ANKRD24: variants seen among roughly 807,000 people sequenced by gnomAD.
ANKRD24 encodes ankyrin repeat domain-containing protein 24.
In ANKRD24, 109 loss-of-function variants were observed where a neutral mutation model predicts 127.8. That is an observed-to-expected ratio of 0.85 (90% CI 0.73 to 1.00). The LOEUF (loss-of-function observed/expected upper bound fraction) is 1.00, where lower values mean the gene tolerates loss of function less well. ANKRD24 is among the 50% of genes least tolerant of loss of function. ANKRD24 has a pLI of 0.00. For synonymous variants in ANKRD24, 743 were observed against 671.1 expected, an observed-to-expected ratio of 1.11 and a Z score of -1.66; for missense variants, 1,648 against 1,570.2, an observed-to-expected ratio of 1.05 and a Z score of -0.84.
In ANKRD24 at chr19:4,207,910, G is replaced by A. The variant is rs1210009302; in HGVS notation, c.774G>A (p.Gly258=). 1.3e-6 allele frequency: 2 copies of A among 1,555,532 alleles called. No homozygotes were observed. Among genetic ancestry groups the A allele is most frequent in the East Asian group, 4.6e-5 (2 of 43,616 alleles). The change falls in exon 10 of 22, where the codon GGG becomes GGA. Residue 258 remains glycine, a synonymous_variant. Coordinates refer to ENST00000318934, the MANE Select transcript of ANKRD24 (RefSeq NM_001393985.1). ...CGGCTCACTATGGCGCCCTGGCGGG[G>A]GACAAACTCATCCTGCACCTTCTGC... ...QDAAHYGALA[G]DKLILHLLQE... is the part of the protein sequence containing the mutation.
At chr19:4,206,870 C>G (rs141711941) in intron 7 of ANKRD24, among the ~76,000 whole-genome samples, 44 of 152,230 alleles carry the variant, frequency 2.9e-4, no homozygotes, top group African/African-American at 1.0e-3. Flanking sequence ...CGAAGTCTCA[C>G]CCTACCCCTA....
intron 2 of ANKRD24, among the ~76,000 whole-genome samples, chr19:4,192,336 C>G (rs1383686999): frequency 6.6e-6 from 1 of 151,024 alleles, no homozygotes; most frequent in African/African-American, 2.4e-5. Context: ...CTTTCTCTTT[C>G]TGTCTTTTTT....
chr19:4,182,964 T>TG (rs1599379272), intron 1 of ANKRD24, among the ~76,000 whole-genome samples: 3 of 140,800 alleles, frequency 2.1e-5, no homozygotes, highest in Admixed American at 7.3e-5. Context: ...GAATATCTCA[T>TG]TTGTGTGTGT....
chr19:4,185,765 G>A (rs529633692), intron 1 of ANKRD24, among the ~76,000 whole-genome samples: 3 of 152,218 alleles, frequency 2.0e-5, no homozygotes, highest in Admixed American at 6.5e-5. Context: ...GTCAGCCCTG[G>A]CTTCAGTCCC....
intron 7 of ANKRD24, among the ~76,000 whole-genome samples, chr19:4,203,692 G>A (rs2145304157): frequency 6.6e-6 from 1 of 151,320 alleles, no homozygotes; most frequent in Non-Finnish European, 1.5e-5. Context: ...TGTCGCCCAG[G>A]GTGGAGTGCA....
chr19:4,213,245 C>A lies in ANKRD24; in HGVS notation c.1197+547C>A, dbSNP rs965995743. 6.4e-5 allele frequency among the ~76,000 whole-genome samples: 6 copies of A among 93,144 alleles called. No homozygotes were observed. In the Admixed American group the frequency reaches 7.1e-4, roughly 11 times the overall value. 61.1% of individuals were successfully genotyped at this position (93,144 alleles called of 152,430 possible). Reference sequence around the variant, plus strand: ...TCCTTCCTTCCTTCCCTCCCTCCTTCCTTCCTTTCCTTCTTTCCTTTCCTT... The same window carrying A: ...TCCTTCCTTCCTTCCCTCCCTCCTTACTTCCTTTCCTTCTTTCCTTTCCTT... On this transcript the variant is annotated intron_variant, in intron 15 of 21. Transcript: ENST00000318934.
At chr19:4,210,717 C>G (rs553582194) in intron 13 of ANKRD24, among the ~76,000 whole-genome samples, 1 of 106,188 alleles carries the variant, frequency 9.4e-6, no homozygotes, top group South Asian at 4.0e-4. Flanking sequence ...AGACACTTCC[C>G]ATGCCCACTT....
At chr19:4,193,155 A>C (rs1968476381) in intron 2 of ANKRD24, among the ~76,000 whole-genome samples, 1 of 151,666 alleles carries the variant, frequency 6.6e-6, no homozygotes, top group South Asian at 2.1e-4. Context: ...TACAAAAATT[A>C]GCCAGGCGTG....
At chr19:4,207,085 CTTTT>C (rs34475477) in intron 7 of ANKRD24, 153 bp from the exon 8 acceptor site, 1,722 of 426,482 alleles carry the variant, frequency 4.0e-3, no homozygotes, top group Middle Eastern at 6.3e-3. Flanking sequence ...ATAATGTTTG[CTTTT>C]TTTTTTTTTT....
In ANKRD24 at chr19:4,207,945, C is replaced by A; in HGVS notation, c.809C>A (p.Ala270Asp). The A allele has an allele frequency of 2.0e-6, 3 of 1,519,476 alleles. No homozygotes were observed. Among genetic ancestry groups the A allele is most frequent in the Non-Finnish European group, 1.8e-6 (2 of 1,136,296 alleles). 94.1% of individuals were successfully genotyped at this position (1,519,476 alleles called of 1,614,324 possible). A position where few individuals can be genotyped will look rare whatever the true frequency, so the allele number is the denominator to read the frequency against. The change falls in exon 10 of 22, where the codon GCC (alanine) becomes GAC (aspartate). Residue 270 changes from alanine to aspartate, a missense_variant. Ala to Asp is a moderately radical substitution (Grantham distance 126). Coordinates refer to ENST00000318934, the MANE Select transcript of ANKRD24 (RefSeq NM_001393985.1). Reference protein sequence around the residue: ...KLILHLLQEAAQRPSPPSALT... With the variant: ...KLILHLLQEADQRPSPPSALT... ...ATCCTGCACCTTCTGCAAGAGGCGG[C>A]CCAGCGCCCCTCCCCACCCAGCGGT...
chr19:4,222,073 C>G (rs555603947), intron 19 of ANKRD24, among the ~76,000 whole-genome samples: 1 of 152,310 alleles, frequency 6.6e-6, no homozygotes, highest in Admixed American at 6.5e-5. Context: ...AATCTCTGTG[C>G]AGGATCACAG....
At position 4,207,502 on chromosome 19, in the gene ANKRD24, C is replaced by T; in HGVS notation, c.539C>T (p.Ser180Leu). ...FKAHLNPQDRSGATPLIIAAQ... is the reference protein window; with the variant it reads ...FKAHLNPQDRLGATPLIIAAQ... ...CGCATCCCTCCTCCTCCCTACCAGT[C>T]AGGCGCAACACCCCTCATTATAGCA... Residue 180 changes from serine (S) to leucine (L), a missense_variant and splice_region_variant, in exon 9 of 22, where the codon TCA becomes TTA. Physicochemically the swap from Ser to Leu is moderately radical, Grantham distance 145 (BLOSUM62 -2). Transcript: ENST00000318934. 6.2e-7 allele frequency: 1 copy of T among 1,613,774 alleles called. No homozygotes were observed. Among genetic ancestry groups the T allele is most frequent in the South Asian group, 1.1e-5 (1 of 91,084 alleles).
At chr19:4,211,214 C>T (rs539119903) in intron 13 of ANKRD24, among the ~76,000 whole-genome samples, 21 of 152,330 alleles carry the variant, frequency 1.4e-4, no homozygotes, top group African/African-American at 2.9e-4. Context: ...TGTGAGCCTG[C>T]GAGGGCAGGC....
chr19:4,210,072 C>T lies in ANKRD24; in HGVS notation c.885C>T (p.Ser295=). Residue 295 remains serine (S), a synonymous_variant, in exon 12 of 22, where the codon AGC becomes AGT. Coordinates refer to ENST00000318934, the MANE Select transcript of ANKRD24 (RefSeq NM_001393985.1). ...TCCCTTCCCAGAACTCTATGTCCAGCCATGGAAAGCAGGGGGCCCCCAAGA... is the reference window on the plus strand; with the variant it reads ...TCCCTTCCCAGAACTCTATGTCCAGTCATGGAAAGCAGGGGGCCCCCAAGA... ...GEASSQNSMS[S]HGKQGAPKKR... 3 of 1,611,794 alleles carry T rather than the reference C, an allele frequency of 1.9e-6. No homozygotes were observed. Among genetic ancestry groups the T allele is most frequent in the South Asian group, 1.1e-5 (1 of 90,622 alleles).
In ANKRD24 at chr19:4,208,818, A is replaced by G; in HGVS notation, c.870+17A>G. On this transcript the variant is annotated intron_variant, in intron 11 of 21. Transcript: ENST00000318934. Reference sequence around the variant, plus strand: ...TCATCTCAGGTATGGACCCCTAAGCAGTGAAGGAGCCCCTCCTCCCTGCAT... The same window carrying G: ...TCATCTCAGGTATGGACCCCTAAGCGGTGAAGGAGCCCCTCCTCCCTGCAT... 1 of 1,611,270 alleles carries G rather than the reference A, an allele frequency of 6.2e-7. No homozygotes were observed. The highest frequency in any genetic ancestry group is 1.3e-5 in the African/African-American group (1 of 74,920).
At chr19:4,203,252 G>T (rs184024037) in intron 7 of ANKRD24, among the ~76,000 whole-genome samples, 124 of 152,136 alleles carry the variant, frequency 8.2e-4, no homozygotes, top group Admixed American at 2.1e-3. Flanking sequence ...TTTCACCATG[G>T]TGGCCAGGAT....
At chr19:4,183,996 G>T (rs1035531945) in intron 1 of ANKRD24, among the ~76,000 whole-genome samples, 8 of 152,300 alleles carry the variant, frequency 5.3e-5, no homozygotes, top group South Asian at 2.1e-4. Context: ...TGTTCCTGGT[G>T]GGGGGAACAG....
chr19:4,200,105 G>A lies in ANKRD24; in HGVS notation c.277G>A (p.Gly93Ser), dbSNP rs1316890333. 1 of 1,601,880 alleles carries A rather than the reference G, an allele frequency of 6.2e-7. No homozygotes were observed. The highest frequency in any genetic ancestry group is 2.3e-5 in the East Asian group (1 of 44,284). The change falls in exon 5 of 22, where the codon GGT (glycine) becomes AGT (serine). Residue 93 changes from glycine (G) to serine (S), a missense_variant. Physicochemically the swap from Gly to Ser is moderately conservative, Grantham distance 56. Transcript: ENST00000318934. ...CAGGTTCCACCTGGCGGCCATGCGG[G>A]GTGCGGCCAGCTGTCTGGAGGTGAT... ...KSAFHLAAMRGAASCLEVMIA... is the reference protein window; with the variant it reads ...KSAFHLAAMRSAASCLEVMIA...
In ANKRD24 at chr19:4,212,586, A is replaced by G. The variant is rs1275338779; in HGVS notation, c.1099-14A>G. On this transcript the variant is annotated splice_polypyrimidine_tract_variant and intron_variant, in intron 14 of 21. Transcript: ENST00000318934. ...TCCTCCCAGAGGCAGCTGAGCCTCC[A>G]CTGCTGCTCCCAGGTGCAAGAGCTA... 1.9e-6 allele frequency: 3 copies of G among 1,549,928 alleles called. No individual in the cohort carries two copies. In the South Asian group the frequency reaches 3.6e-5, roughly 18 times the overall value.
Sources: allele counts gnomAD v4.1 joint callset (sites outside exome capture counted in the v4.1 genomes callset), GRCh38; gene constraint gnomAD v4.1.1; transcripts MANE v1.5; gene names NCBI Gene and HGNC (gene_info 2026-07-23, HGNC 2026-07-21).